Variants in MORN5 observed in about 807,000 individuals in gnomAD.
MORN5 encodes the protein MORN repeat-containing protein 5.
A neutral mutation model predicts 22.1 loss-of-function variants in MORN5; 21 were observed. That is an observed-to-expected ratio of 0.95 (90% confidence interval 0.67 to 1.37). MORN5 has a LOEUF of 1.37. MORN5 is among the 40% of genes most tolerant of loss of function. MORN5 has a pLI of 0.00. For synonymous variants in MORN5, 73 were observed against 74.0 expected, an observed-to-expected ratio of 0.99 and a Z score of 0.07; for missense variants, 211 against 215.1, an observed-to-expected ratio of 0.98 and a Z score of 0.12.
intron 2 of MORN5, among the ~76,000 whole-genome samples, chr9:122,168,944 C>A (rs1269532763): frequency 6.6e-6 from 1 of 152,110 alleles, no homozygotes; most frequent in East Asian, 1.9e-4. Context: ...CCAGTCCAAA[C>A]CCAAGGGCCT....
At chr9:122,193,945 G>C (rs1829832735) in intron 4 of MORN5, among the ~76,000 whole-genome samples, 1 of 152,220 alleles carries the variant, frequency 6.6e-6, no homozygotes, top group Admixed American at 6.5e-5. Flanking sequence ...GCTGAGGAGT[G>C]GAGAGCCTTC....
chr9:122,188,013 A>C (rs1829675661), intron 4 of MORN5, among the ~76,000 whole-genome samples: 1 of 152,122 alleles, frequency 6.6e-6, no homozygotes, highest in East Asian at 1.9e-4. Context: ...GGAGCAGCTG[A>C]AAAGGCTTGT....
At chr9:122,160,508 T>C (rs940242152) in intron 1 of MORN5, among the ~76,000 whole-genome samples, 1 of 152,222 alleles carries the variant, frequency 6.6e-6, no homozygotes, top group African/African-American at 2.4e-5. Flanking sequence ...GGACTAGTAG[T>C]AAAAAACAAT....
intron 4 of MORN5, among the ~76,000 whole-genome samples, chr9:122,196,860 A>G (rs1253508364): frequency 6.6e-6 from 1 of 152,160 alleles, no homozygotes; most frequent in East Asian, 1.9e-4. Flanking sequence ...TTATTATCAC[A>G]TCAAAAACAT....
At chr9:122,179,325 G>A (rs1829500590) in intron 4 of MORN5, among the ~76,000 whole-genome samples, 1 of 152,178 alleles carries the variant, frequency 6.6e-6, no homozygotes, top group East Asian at 1.9e-4. Flanking sequence ...GCTTTAGGCA[G>A]GTAACATAGT....
chr9:122,191,757 G>A (rs1453221166), intron 4 of MORN5, among the ~76,000 whole-genome samples: 2 of 152,220 alleles, frequency 1.3e-5, no homozygotes, highest in Non-Finnish European at 2.9e-5. Context: ...GCCTTCCCTG[G>A]GCTCGCCTGC....
intron 4 of MORN5, among the ~76,000 whole-genome samples, chr9:122,182,196 T>G (rs1374159542): frequency 1.3e-5 from 2 of 152,218 alleles, no homozygotes; most frequent in Non-Finnish European, 2.9e-5. Context: ...TAGCTGGCAT[T>G]CATTGATAAA....
intron 4 of MORN5, among the ~76,000 whole-genome samples, chr9:122,194,540 G>T (rs930237343): frequency 6.6e-6 from 1 of 152,136 alleles, no homozygotes; most frequent in African/African-American, 2.4e-5. Context: ...TGCCGAGAAG[G>T]GGGTGCATAG....
chr9:122,174,747 A>T, intron 4 of MORN5, 120 bp downstream of exon 4: 1 of 1,593,010 alleles, frequency 6.3e-7, no homozygotes, highest in South Asian at 1.1e-5. Flanking sequence ...ATAGAAGATG[A>T]AAGTTGATTA....
At chr9:122,178,535 TA>T (rs1588306612) in intron 4 of MORN5, among the ~76,000 whole-genome samples, 1 of 151,994 alleles carries the variant, frequency 6.6e-6, no homozygotes, top group African/African-American at 2.4e-5. Context: ...AATAGAAAGA[TA>T]GATGACATAG....
chr9:122,163,854 G>A (rs1829237119), intron 1 of MORN5, among the ~76,000 whole-genome samples: 1 of 152,164 alleles, frequency 6.6e-6, no homozygotes, highest in Non-Finnish European at 1.5e-5. Context: ...GTAAATGTTG[G>A]CTGAATGAAT....
chr9:122,167,762 T>C (rs898464185), intron 2 of MORN5, among the ~76,000 whole-genome samples: 1 of 152,318 alleles, frequency 6.6e-6, no homozygotes, highest in African/African-American at 2.4e-5. Flanking sequence ...ACAAATGTAT[T>C]ATCTTACAGT....
rs542198161 is a variant in MORN5 at position 122,184,932 on chromosome 9, A to C, written c.439+10305A>C. Among the ~76,000 whole-genome samples, 46 of 152,380 alleles carry C rather than the reference A, an allele frequency of 3.0e-4. No homozygotes were observed. The Middle Eastern group carries it at 0.014, about 45-fold the overall frequency. ...GAAAGAAAGAACCGAGGGCCTGCCT[A>C]GCAGCCCTATATTTTATAGAGATAT... On this transcript the variant is annotated intron_variant, in intron 4 of 4. Coordinates refer to ENST00000373764, the MANE Select transcript of MORN5 (RefSeq NM_198469.4).
intron 4 of MORN5, among the ~76,000 whole-genome samples, chr9:122,185,119 A>C (rs1488406969): frequency 6.6e-6 from 1 of 151,874 alleles, no homozygotes; most frequent in Non-Finnish European, 1.5e-5. Flanking sequence ...GCAGTGGCAC[A>C]ATCTCGGCTC....
At chr9:122,168,231 G>A (rs995709292) in intron 2 of MORN5, among the ~76,000 whole-genome samples, 2 of 152,130 alleles carry the variant, frequency 1.3e-5, no homozygotes, top group Non-Finnish European at 2.9e-5. Context: ...CAGCACACAA[G>A]AGGCACTCAA....
Position 122,199,873 on chromosome 9 carries a change from C to G in MORN5, c.440-12C>G, listed in dbSNP as rs1829976942. 1.9e-6 allele frequency: 3 copies of G among 1,613,958 alleles called. No individual in the cohort carries two copies. Among genetic ancestry groups the G allele is most frequent in the Non-Finnish European group, 2.5e-6 (3 of 1,179,838 alleles). On this transcript the variant is annotated splice_polypyrimidine_tract_variant and intron_variant, in intron 4 of 4. Coordinates refer to ENST00000373764, the MANE Select transcript of MORN5 (RefSeq NM_198469.4). ...GCACCAAGCATGACCAGCTCTTCCT[C>G]TTTCCTTGCAGATGATGACGAGCAT...
intron 4 of MORN5, among the ~76,000 whole-genome samples, chr9:122,199,671 C>T: frequency 6.6e-6 from 1 of 152,174 alleles, no homozygotes; most frequent in East Asian, 1.9e-4. Flanking sequence ...CAGCAGCACC[C>T]ACAGTTAGAA....
At chr9:122,185,286 G>C (rs34604576) in intron 4 of MORN5, among the ~76,000 whole-genome samples, 2 of 135,022 alleles carry the variant, frequency 1.5e-5, no homozygotes, top group South Asian at 2.5e-4. Context: ...GCAGTGGTGC[G>C]ATCTCGGCTC....
chr9:122,164,572 G>A (rs1032582372), intron 1 of MORN5: 4 of 985,492 alleles, frequency 4.1e-6, no homozygotes, highest in Non-Finnish European at 4.8e-6. Context: ...GCTGCTTAGG[G>A]GAGGAGGAGA....
Sources: allele counts gnomAD v4.1 joint callset (sites outside exome capture counted in the v4.1 genomes callset), GRCh38; gene constraint gnomAD v4.1.1; transcripts MANE v1.5; gene names NCBI Gene and HGNC (gene_info 2026-07-23, HGNC 2026-07-21).